The following NOS1AP variants were observed in gnomAD, a reference collection of about 807,000 sequenced individuals.
NOS1AP encodes the protein nitric oxide synthase 1 adaptor protein.
A neutral mutation model predicts 56.2 loss-of-function variants in NOS1AP; 21 were observed. The observed-to-expected ratio is 0.37, with a 90% CI of 0.26 to 0.54. The LOEUF is 0.54. Among genes scored for constraint, NOS1AP ranks in the 20% least tolerant of loss-of-function variants. NOS1AP has a pLI of 0.84. For synonymous variants in NOS1AP, 270 were observed against 274.6 expected (o/e 0.98, Z 0.17); for missense variants, 522 against 657.8 (o/e 0.79, Z 2.26).
At chr1:162,074,035 G>A (rs1052729777) in intron 1 of NOS1AP, among the ~76,000 whole-genome samples, 1 of 152,192 alleles carries the variant, frequency 6.6e-6, no homozygotes, top group Non-Finnish European at 1.5e-5. Flanking sequence ...GATAATAAGA[G>A]TATTAATAAT....
intron 2 of NOS1AP, among the ~76,000 whole-genome samples, chr1:162,279,651 TG>T (rs1368948241): frequency 6.6e-6 from 1 of 152,260 alleles, no homozygotes; most frequent in African/African-American, 2.4e-5. Flanking sequence ...GGAATGTTCC[TG>T]GTCCTGTGAA....
intron 8 of NOS1AP, among the ~76,000 whole-genome samples, chr1:162,359,846 G>T (rs1014250065): frequency 3.9e-5 from 6 of 152,136 alleles, no homozygotes; most frequent in Admixed American, 3.9e-4. Flanking sequence ...CAGAATTCCA[G>T]TGAGTAAAAC....
At chr1:162,316,756 T>TG (rs1656243891) in intron 4 of NOS1AP, 1 of 152,660 alleles carries the variant, frequency 6.6e-6, no homozygotes, top group Non-Finnish European at 1.5e-5. Flanking sequence ...GTGGGGAGAA[T>TG]TACAAAGAAC....
At chr1:162,081,774 A>ATATATATATTTTTTTTTTT in intron 1 of NOS1AP, among the ~76,000 whole-genome samples, 33 of 44,046 alleles carry the variant, frequency 7.5e-4, no homozygotes, top group East Asian at 2.3e-3. Flanking sequence ...ATATATATAT[A>ATATATATATTTTTTTTTTT]TTTTTTTTTT....
chr1:162,316,763 G>GGT (rs1656244225), intron 4 of NOS1AP: 1 of 152,742 alleles, frequency 6.5e-6, no homozygotes, highest in Non-Finnish European at 1.5e-5. Context: ...GAATTACAAA[G>GGT]AACCTTCTTA....
chr1:162,098,923 T>G (rs1692310912), intron 1 of NOS1AP, among the ~76,000 whole-genome samples: 1 of 152,174 alleles, frequency 6.6e-6, no homozygotes, highest in Admixed American at 6.5e-5. Context: ...CTGATGGGCA[T>G]TTAGGTTGAT....
intron 3 of NOS1AP, among the ~76,000 whole-genome samples, chr1:162,299,207 A>C (rs190297141): frequency 6.6e-6 from 1 of 152,194 alleles, no homozygotes; most frequent in Non-Finnish European, 1.5e-5. Flanking sequence ...GTCATTAAAA[A>C]AACTGCTATA....
intron 2 of NOS1AP, among the ~76,000 whole-genome samples, chr1:162,170,876 T>C (rs1222978706): frequency 1.3e-5 from 2 of 149,806 alleles, no homozygotes; most frequent in Non-Finnish European, 3.0e-5. Flanking sequence ...GAGGCGGAGG[T>C]TGCAGTGAGC....
intron 1 of NOS1AP, among the ~76,000 whole-genome samples, chr1:162,074,101 A>G (rs1222291982): frequency 6.6e-6 from 1 of 152,244 alleles, no homozygotes; most frequent in East Asian, 1.9e-4. Context: ...TCTACATACA[A>G]AGACTTTTCC....
intron 2 of NOS1AP, among the ~76,000 whole-genome samples, chr1:162,163,413 C>T (rs1361035): frequency 0.99 from 150,020 of 152,264 alleles, 73,941 homozygotes; most frequent in East Asian, 1. Context: ...AATTTTTTTC[C>T]CCACTCATTT....
intron 3 of NOS1AP, among the ~76,000 whole-genome samples, chr1:162,294,209 AAGGAAGGAAGGAAGGAAG>A (rs1480221152): frequency 6.7e-6 from 1 of 150,332 alleles, no homozygotes; most frequent in Non-Finnish European, 1.5e-5. Flanking sequence ...GGAAGGAAGG[AAGGAAGGAAGGAAGGAAG>A]AAAGAAAGGA....
At chr1:162,331,705 A>C (rs990359854) in intron 4 of NOS1AP, among the ~76,000 whole-genome samples, 2 of 152,216 alleles carry the variant, frequency 1.3e-5, no homozygotes, top group Non-Finnish European at 2.9e-5. Flanking sequence ...AATGTTTTGC[A>C]GAAATGATGT....
intron 2 of NOS1AP, among the ~76,000 whole-genome samples, chr1:162,269,330 A>G (rs1172084183): frequency 6.6e-6 from 1 of 152,152 alleles, no homozygotes; most frequent in Non-Finnish European, 1.5e-5. Context: ...ATTTCCTTTT[A>G]TTCTTTGTAG....
rs185769822 is a variant in NOS1AP, at chr1:162,232,728, A to G, written c.178-54616A>G. 9.8e-4 allele frequency among the ~76,000 whole-genome samples: 150 copies of G among 152,288 alleles called. 1 individual carries two copies. The highest frequency in any genetic ancestry group is 3.5e-3 in the African/African-American group (146 of 41,552). Reference sequence around the variant, plus strand: ...AGACCAACCCCAAATCTGAATATTAAAAAAATTTTAAAGCAAATAGTTATT... The same window carrying G: ...AGACCAACCCCAAATCTGAATATTAGAAAAATTTTAAAGCAAATAGTTATT... On this transcript the variant is annotated intron_variant, in intron 2 of 9. Coordinates refer to ENST00000361897, the MANE Select transcript of NOS1AP (RefSeq NM_014697.3).
intron 2 of NOS1AP, among the ~76,000 whole-genome samples, chr1:162,243,207 A>G (rs1460716011): frequency 4.6e-5 from 7 of 152,120 alleles, no homozygotes; most frequent in Non-Finnish European, 1.0e-4. Flanking sequence ...AGAGGGGACA[A>G]GGGGGTGTTA....
At chr1:162,282,465 A>AT (rs909097524) in intron 2 of NOS1AP, among the ~76,000 whole-genome samples, 1 of 151,310 alleles carries the variant, frequency 6.6e-6, no homozygotes, top group Non-Finnish European at 1.5e-5. Flanking sequence ...ATTGATAGAC[A>AT]TTTGGGTTGC....
At chr1:162,189,192 ACAGTTTTTTAT>A (rs1236184040) in intron 2 of NOS1AP, among the ~76,000 whole-genome samples, 1 of 152,348 alleles carries the variant, frequency 6.6e-6, no homozygotes, top group East Asian at 1.9e-4. Flanking sequence ...AGGTCTAAGA[ACAGTTTTTTAT>A]ATGTTGAACA....
At chr1:162,225,277 G>C (rs929632534) in intron 2 of NOS1AP, among the ~76,000 whole-genome samples, 8 of 152,180 alleles carry the variant, frequency 5.3e-5, no homozygotes, top group African/African-American at 1.9e-4. Flanking sequence ...CACAAACCAT[G>C]GCTAGTTGTG....
intron 5 of NOS1AP, among the ~76,000 whole-genome samples, chr1:162,341,820 C>T (rs930896677): frequency 1.3e-5 from 2 of 152,190 alleles, no homozygotes; most frequent in African/African-American, 4.8e-5. Flanking sequence ...GAGAGTTAAG[C>T]TTCCTGGCAC....
Sources: gnomAD v4.1 joint callset for allele counts (sites outside exome capture counted in the v4.1 genomes callset) on GRCh38, gnomAD v4.1.1 for gene constraint, MANE v1.5 for transcripts, NCBI Gene and HGNC (gene_info 2026-07-23, HGNC 2026-07-21) for gene names.